Variants in ANKRD30BL observed in about 807,000 individuals in gnomAD.
The protein encoded by ANKRD30BL is putative ankyrin repeat domain-containing protein 30B-like.
A neutral mutation model predicts 18.4 loss-of-function variants in ANKRD30BL; 20 were observed. The observed-to-expected ratio is 1.09, with a 90% confidence interval of 0.77 to 1.58. The LOEUF (loss-of-function observed/expected upper bound fraction) is 1.58, where lower values mean the gene tolerates loss of function less well. Ranked by LOEUF, ANKRD30BL falls within the 40% of genes most tolerant of loss-of-function variation. ANKRD30BL has a pLI of 0.00. For missense variants in ANKRD30BL, 224 were observed against 268.6 expected (o/e 0.83, Z 1.16); for synonymous variants, 72 against 100.9 (o/e 0.71, Z 1.72).
chr2:132,157,259 T>C (rs987538776), intron 2 of ANKRD30BL, 50 bp downstream of exon 2: 4 of 942,344 alleles, frequency 4.2e-6, no homozygotes, highest in South Asian at 3.3e-5. Context: ...TTTTATTCTA[T>C]GTATTTAAAC....
intron 1 of ANKRD30BL, among the ~76,000 whole-genome samples, chr2:132,202,269 T>C (rs1679119679): frequency 6.6e-6 from 1 of 152,090 alleles, no homozygotes; most frequent in Admixed American, 6.6e-5. Flanking sequence ...TGTGCACATG[T>C]ACCCTAAAAC....
At chr2:132,216,542 A>G (rs1050927084) in intron 1 of ANKRD30BL, among the ~76,000 whole-genome samples, 17 of 152,106 alleles carry the variant, frequency 1.1e-4, no homozygotes, top group Non-Finnish European at 1.5e-5. Flanking sequence ...TAAGATCTAT[A>G]CAGAAGCATT....
At chr2:132,255,342 A>G (rs914800978) in intron 1 of ANKRD30BL, among the ~76,000 whole-genome samples, 7 of 151,772 alleles carry the variant, frequency 4.6e-5, no homozygotes, top group South Asian at 2.1e-4. Context: ...GTCCTATTCC[A>G]TTATTCCAAG....
chr2:132,178,841 G>T (rs1346793584), intron 1 of ANKRD30BL, among the ~76,000 whole-genome samples: 7 of 151,938 alleles, frequency 4.6e-5, no homozygotes, highest in Non-Finnish European at 4.4e-5. Flanking sequence ...CATGATAGGG[G>T]AAAATTGATG....
chr2:132,216,489 T>C (rs1227989814), intron 1 of ANKRD30BL, among the ~76,000 whole-genome samples: 2 of 150,906 alleles, frequency 1.3e-5, no homozygotes, highest in South Asian at 4.2e-4. Context: ...GTGGACATTT[T>C]GTTCGCTTTG....
At chr2:132,232,118 A>C (rs199598911) in intron 1 of ANKRD30BL, among the ~76,000 whole-genome samples, 2 of 152,180 alleles carry the variant, frequency 1.3e-5, no homozygotes, top group East Asian at 1.9e-4. Context: ...ACCTGCAGCT[A>C]AGGGTCCTGT....
intron 1 of ANKRD30BL, among the ~76,000 whole-genome samples, chr2:132,224,768 G>A (rs1679794744): frequency 1.3e-5 from 2 of 151,876 alleles, no homozygotes; most frequent in African/African-American, 2.4e-5. Context: ...AATCTGAAGG[G>A]GATATTTTGA....
At chr2:132,212,311 T>C (rs572213941) in intron 1 of ANKRD30BL, among the ~76,000 whole-genome samples, 2 of 151,154 alleles carry the variant, frequency 1.3e-5, no homozygotes, top group East Asian at 2.0e-4. Context: ...CCTATTATAA[T>C]TAGACAGAAG....
intron 1 of ANKRD30BL, among the ~76,000 whole-genome samples, chr2:132,206,275 C>T (rs1396985679): frequency 2.0e-5 from 3 of 152,134 alleles, no homozygotes; most frequent in Non-Finnish European, 4.4e-5. Flanking sequence ...CTATAACTTG[C>T]TACGAATGGA....
chr2:132,183,425 G>A (rs778596974), intron 1 of ANKRD30BL, among the ~76,000 whole-genome samples: 95 of 151,998 alleles, frequency 6.3e-4, no homozygotes, highest in Non-Finnish European at 6.5e-4. Context: ...CACTGCACCC[G>A]GCCACTTTTA....
intron 1 of ANKRD30BL, among the ~76,000 whole-genome samples, chr2:132,250,067 T>A (rs576825133): frequency 1.3e-5 from 2 of 152,248 alleles, no homozygotes; most frequent in East Asian, 3.9e-4. Context: ...TCCAAGCTTT[T>A]CAATCAAAAG....
At chr2:132,201,043 G>A (rs1679087833) in intron 1 of ANKRD30BL, among the ~76,000 whole-genome samples, 1 of 152,106 alleles carries the variant, frequency 6.6e-6, no homozygotes, top group African/African-American at 2.4e-5. Flanking sequence ...AAGCAATGGG[G>A]AAAGGATTCC....
In ANKRD30BL at chr2:132,202,516, A is replaced by T. The variant is rs1679128472; in HGVS notation, n.442-45370T>A. 2.0e-5 allele frequency among the ~76,000 whole-genome samples: 3 copies of T among 151,970 alleles called. No homozygotes were observed. The South Asian group carries it at 6.2e-4, about 31-fold the overall frequency. On this transcript the variant is annotated intron_variant and non_coding_transcript_variant, in intron 1 of 4. Transcript: ENST00000470729. ...AATTTTAATCAGAAATTTCAAAAAAATAAAACCCTGAATCCAATTCAAATT... is the reference window on the plus strand; with the variant it reads ...AATTTTAATCAGAAATTTCAAAAAATTAAAACCCTGAATCCAATTCAAATT...
At chr2:132,242,969 C>T (rs1036287631) in intron 1 of ANKRD30BL, among the ~76,000 whole-genome samples, 3 of 151,254 alleles carry the variant, frequency 2.0e-5, no homozygotes, top group African/African-American at 7.3e-5. Flanking sequence ...TCCTTTGGTA[C>T]AGCAGTTTTG....
At chr2:132,256,878 C>G (rs796822303) in intron 1 of ANKRD30BL, 7 of 437,676 alleles carry the variant, frequency 1.6e-5, no homozygotes, top group Admixed American at 7.3e-5. Flanking sequence ...AGAGAGGATC[C>G]GCGGGCAGGG....
chr2:132,221,757 C>T (rs1250978391), intron 1 of ANKRD30BL, among the ~76,000 whole-genome samples: 10 of 110,234 alleles, frequency 9.1e-5, no homozygotes, highest in Non-Finnish European at 1.1e-4. Flanking sequence ...TCTGCCCGGC[C>T]GCCCCTACTG....
chr2:132,214,513 AAGAC>A (rs1679439116), intron 1 of ANKRD30BL, among the ~76,000 whole-genome samples: 1 of 151,174 alleles, frequency 6.6e-6, no homozygotes, highest in South Asian at 2.1e-4. Flanking sequence ...ACACAAAAAA[AAGAC>A]AGAAGCATTC....
chr2:132,203,860 T>G (rs1259641878), intron 1 of ANKRD30BL, among the ~76,000 whole-genome samples: 2 of 152,198 alleles, frequency 1.3e-5, no homozygotes, highest in African/African-American at 4.8e-5. Flanking sequence ...CAAAAAATGA[T>G]GAGCATTTTT....
At chr2:132,196,582 T>C (rs1678973673) in intron 1 of ANKRD30BL, among the ~76,000 whole-genome samples, 1 of 152,124 alleles carries the variant, frequency 6.6e-6, no homozygotes, top group African/African-American at 2.4e-5. Flanking sequence ...TATCAGGAGT[T>C]CTAGACCAGG....
Sources: allele counts gnomAD v4.1 joint callset (sites outside exome capture counted in the v4.1 genomes callset), GRCh38; gene constraint gnomAD v4.1.1; transcripts MANE v1.5; gene names NCBI Gene and HGNC (gene_info 2026-07-23, HGNC 2026-07-21).